NELL1: variants seen among roughly 807,000 people sequenced by gnomAD.
NELL1 encodes protein kinase C-binding protein NELL1.
Under a neutral mutation model 107.4 loss-of-function variants are expected in NELL1, and 76 were observed. The ratio of observed to expected loss-of-function variants is 0.71; its 90% CI spans 0.59 to 0.86. The LOEUF (loss-of-function observed/expected upper bound fraction) is 0.86. Among genes scored for constraint, NELL1 ranks in the 40% least tolerant of loss-of-function variants. NELL1 has a pLI of 0.00. For synonymous variants in NELL1, 353 were observed against 341.2 expected, an observed-to-expected ratio of 1.03 and a Z score of -0.38; for missense variants, 1,024 against 1,005.5, an observed-to-expected ratio of 1.02 and a Z score of -0.25.
In NELL1 at chr11:21,137,077, C is replaced by T. The variant is rs1175702980; in HGVS notation, c.1426+23363C>T. Among the ~76,000 whole-genome samples, 3 of 152,166 alleles carry T rather than the reference C, an allele frequency of 2.0e-5. No individual in the cohort carries two copies. The East Asian group carries it at 5.8e-4, about 29-fold the overall frequency. The stretch of plus-strand genomic sequence containing the variant: ...AGGAGGAGGCATGTGGTAAAGAAAG[C>T]AGTGGAGATTTTCTCTTCCTTCCTT... On this transcript the variant is annotated intron_variant, in intron 13 of 19. Coordinates refer to ENST00000357134, the MANE Select transcript of NELL1 (RefSeq NM_006157.5).
At chr11:20,721,733 G>A (rs1855393589) in intron 2 of NELL1, among the ~76,000 whole-genome samples, 1 of 152,162 alleles carries the variant, frequency 6.6e-6, no homozygotes, top group South Asian at 2.1e-4. Flanking sequence ...CGGGGAGATA[G>A]TAGACAGAGT....
At chr11:21,169,670 C>A in intron 13 of NELL1, 1 of 530,538 alleles carries the variant, frequency 1.9e-6, no homozygotes, top group South Asian at 2.6e-5. Context: ...TTCCTTACTC[C>A]ATATGTACCT....
chr11:20,758,510 A>G (rs1316847752), intron 2 of NELL1, among the ~76,000 whole-genome samples: 1 of 152,200 alleles, frequency 6.6e-6, no homozygotes, highest in Non-Finnish European at 1.5e-5. Flanking sequence ...CCAACTGACA[A>G]TAGAGAGAGG....
At chr11:20,993,582 A>G (rs1321230765) in intron 12 of NELL1, among the ~76,000 whole-genome samples, 4 of 152,164 alleles carry the variant, frequency 2.6e-5, no homozygotes, top group Non-Finnish European at 5.9e-5. Context: ...AAGGACACCA[A>G]AGTCCACGGA....
intron 15 of NELL1, among the ~76,000 whole-genome samples, chr11:21,507,900 C>T (rs1305011271): frequency 1.3e-5 from 2 of 151,802 alleles, no homozygotes; most frequent in South Asian, 2.1e-4. Flanking sequence ...CCTGCCTCAG[C>T]CTCCCAAGTA....
intron 13 of NELL1, among the ~76,000 whole-genome samples, chr11:21,115,331 A>AACACACACACACAC (rs66507806): frequency 2.1e-3 from 294 of 140,698 alleles, no homozygotes; most frequent in African/African-American, 6.7e-3. Context: ...GTCTACATCA[A>AACACACACACACAC]ACACACACAC....
Position 20,699,230 on chromosome 11 carries a change from A to C in NELL1, c.184+21170A>C, listed in dbSNP as rs911773366. ...AGACTCTGTCTCAAAAACAAACAAA[A>C]AAAACAAAACAAACAAAAAAGAATA... On this transcript the variant is annotated intron_variant, in intron 2 of 19. Transcript: ENST00000357134. Among the ~76,000 whole-genome samples the C allele has an allele frequency of 2.0e-4, 30 of 152,168 alleles. 1 individual carries two copies. The highest frequency in any genetic ancestry group is 4.6e-4 in the African/African-American group (19 of 41,486).
intron 15 of NELL1, among the ~76,000 whole-genome samples, chr11:21,423,003 C>T (rs757279592): frequency 1.2e-4 from 18 of 152,012 alleles, no homozygotes; most frequent in South Asian, 2.1e-4. Flanking sequence ...AGATATTCCA[C>T]GCTCATAGTA....
intron 14 of NELL1, among the ~76,000 whole-genome samples, chr11:21,267,079 T>G (rs2133929895): frequency 6.6e-6 from 1 of 152,004 alleles, no homozygotes; most frequent in South Asian, 2.1e-4. Flanking sequence ...GATTTATAGG[T>G]ATGTTTCTTT....
intron 3 of NELL1, among the ~76,000 whole-genome samples, chr11:20,815,755 T>C (rs765863614): frequency 6.6e-6 from 1 of 152,210 alleles, no homozygotes; most frequent in Non-Finnish European, 1.5e-5. Flanking sequence ...TGGTATTTCC[T>C]AGATTTTCTT....
chr11:20,697,418 A>G (rs1030253195), intron 2 of NELL1, among the ~76,000 whole-genome samples: 3 of 147,032 alleles, frequency 2.0e-5, no homozygotes, highest in Non-Finnish European at 4.5e-5. Flanking sequence ...TTTTCCTGCC[A>G]GGAAAGTGCT....
At chr11:21,309,586 T>A (rs1218083407) in intron 14 of NELL1, among the ~76,000 whole-genome samples, 1 of 151,908 alleles carries the variant, frequency 6.6e-6, no homozygotes. Context: ...ATGTTGCTTA[T>A]TGTATTAGTC....
intron 15 of NELL1, among the ~76,000 whole-genome samples, chr11:21,459,357 C>CAAA (rs59022976): frequency 4.0e-5 from 5 of 124,602 alleles, no homozygotes; most frequent in East Asian, 2.5e-4. Flanking sequence ...TGTTCACTAG[C>CAAA]AAAAAAAAAA....
At position 20,846,915 on chromosome 11, in the gene NELL1, C is replaced by A. The variant is rs138002491; in HGVS notation, c.336-668C>A. 2.5e-3 allele frequency among the ~76,000 whole-genome samples: 383 copies of A among 152,230 alleles called. 2 individuals are homozygous for A. The highest frequency in any genetic ancestry group is 0.014 in the Middle Eastern group (4 of 294). On this transcript the variant is annotated intron_variant, in intron 3 of 19. Transcript: ENST00000357134. ...TAGCATTTTATGACTGAAGTGCAGA[C>A]CACAGTGGTAAGGCTAAGAATTTCT... is the stretch of plus-strand genomic sequence containing the variant.
chr11:20,943,524 A>C (rs1490359377), intron 10 of NELL1, among the ~76,000 whole-genome samples: 1 of 152,138 alleles, frequency 6.6e-6, no homozygotes, highest in Non-Finnish European at 1.5e-5. Flanking sequence ...CGGAGGTGGC[A>C]GTGAGCTGAG....
intron 12 of NELL1, among the ~76,000 whole-genome samples, chr11:21,060,275 G>A (rs148117080): frequency 0.01 from 1,552 of 152,182 alleles, 30 homozygotes; most frequent in African/African-American, 0.034. Context: ...TATGAGTCTC[G>A]ATTTCTCCTT....
intron 2 of NELL1, among the ~76,000 whole-genome samples, chr11:20,754,253 C>T (rs1442912024): frequency 6.6e-6 from 1 of 152,162 alleles, no homozygotes; most frequent in African/African-American, 2.4e-5. Flanking sequence ...ACTTTGATTT[C>T]AGTAGGGCCT....
chr11:21,380,244 A>T (rs1470448203), intron 15 of NELL1, among the ~76,000 whole-genome samples: 4 of 152,056 alleles, frequency 2.6e-5, no homozygotes, highest in African/African-American at 7.2e-5. Context: ...GCATCATTGA[A>T]AAAGAGAAAT....
intron 9 of NELL1, among the ~76,000 whole-genome samples, chr11:20,937,145 G>A (rs563412419): frequency 5.4e-4 from 82 of 152,360 alleles, no homozygotes; most frequent in African/African-American, 1.9e-3. Context: ...TCTAAATTGA[G>A]TGGTAGGAGC....
Sources: gnomAD v4.1 joint callset for allele counts (sites outside exome capture counted in the v4.1 genomes callset) on GRCh38, gnomAD v4.1.1 for gene constraint, MANE v1.5 for transcripts, NCBI Gene and HGNC (gene_info 2026-07-23, HGNC 2026-07-21) for gene names.